CDH3: variants seen among roughly 807,000 people sequenced by gnomAD.
The protein encoded by CDH3 is cadherin 3, also known as cadherin-3.
A neutral mutation model predicts 82.0 loss-of-function variants in CDH3; 54 were observed. The observed-to-expected ratio is 0.66, with a 90% CI of 0.53 to 0.83. The LOEUF (loss-of-function observed/expected upper bound fraction) is 0.83, where lower values mean the gene tolerates loss of function less well. Ranked by LOEUF, CDH3 falls within the 40% of genes least tolerant of loss-of-function variation. The pLI is 0.00. For missense variants in CDH3, 1,054 were observed against 1,084.6 expected (o/e 0.97, Z 0.40); for synonymous variants, 446 against 437.9 (o/e 1.02, Z -0.23).
At chr16:68,710,721 G>A (rs1372872088) in intron 1 of CDH3, among the ~76,000 whole-genome samples, 1 of 151,534 alleles carries the variant, frequency 6.6e-6, no homozygotes, top group African/African-American at 2.4e-5. Context: ...GCGGGCGCCT[G>A]TAATTCCAGC....
chr16:68,710,500 T>C (rs1039650185), intron 1 of CDH3, among the ~76,000 whole-genome samples: 4 of 152,174 alleles, frequency 2.6e-5, no homozygotes, highest in Non-Finnish European at 5.9e-5. Flanking sequence ...CTAAACCCCC[T>C]ACAATGCACA....
At position 68,698,742 on chromosome 16, in the gene CDH3, AAT is replaced by A. The variant is rs1488303987; in HGVS notation, c.*343_*344del. ...GACCTACAGTGGACTTTCTCTCTGG[AAT>A]GGAACCTTCTTAGGCCTCCTGGTGC... On this transcript the variant is annotated 3_prime_UTR_variant, in exon 16 of 16. Transcript: ENST00000264012. 3.4e-6 allele frequency: 1 copy of A among 290,398 alleles called. No individual in the cohort carries two copies. Among genetic ancestry groups the A allele is most frequent in the African/African-American group, 2.2e-5 (1 of 45,974 alleles). The allele number at this position is 290,398 out of a possible 1,614,324, so 18.0% of individuals were successfully genotyped here.
chr16:68,663,323 C>T (rs374368576), intron 2 of CDH3, among the ~76,000 whole-genome samples: 158 of 151,438 alleles, frequency 1.0e-3, no homozygotes, highest in Non-Finnish European at 1.8e-3. Flanking sequence ...CTCTGCCTCC[C>T]GGGTTCACGC....
At chr16:68,723,779 C>T (rs148521207) in intron 2 of CDH3, among the ~76,000 whole-genome samples, 4,119 of 151,278 alleles carry the variant, frequency 0.027, 67 homozygotes, top group Non-Finnish European at 0.043. Context: ...AAAAATTAGC[C>T]GGGTGTGAGG....
Position 68,695,257 on chromosome 16 carries a change from C to T in CDH3, c.2005C>T (p.Leu669Phe). The part of the protein sequence containing the change: ...VLGAVLALLF[L>F]LLVLLLLVRK... ...CTCACACTCCCCAACCCTTGCAGTC[C>T]TCCTGCTGGTGCTGCTTTTGTTGGT... The change falls in exon 14 of 16, where the codon CTC becomes TTC. Residue 669 changes from leucine (L) to phenylalanine (F), a missense_variant and splice_region_variant. Transcript: ENST00000264012. 6.2e-7 allele frequency: 1 copy of T among 1,614,114 alleles called. No homozygotes were observed. Among genetic ancestry groups the T allele is most frequent in the Non-Finnish European group, 8.5e-7 (1 of 1,180,018 alleles).
Position 68,676,554 on chromosome 16 carries a change from T to G in CDH3, c.246+84T>G, listed in dbSNP as rs1412591442. On this transcript the variant is annotated intron_variant, in intron 3 of 15. Coordinates refer to ENST00000264012, the MANE Select transcript of CDH3 (RefSeq NM_001793.6). ...TTGCTGGCCAGGAGCCCTTGGTTGC[T>G]GTGGCCATTGTGAGCCAAGTCAGCC... 3.7e-6 allele frequency: 4 copies of G among 1,069,170 alleles called. No homozygotes were observed. In the African/African-American group the frequency reaches 6.2e-5, roughly 17 times the overall value. 66.2% of individuals were successfully genotyped at this position (1,069,170 alleles called of 1,614,324 possible).
chr16:68,727,138 T>C (rs1156799614), intron 2 of CDH3, among the ~76,000 whole-genome samples: 1 of 152,204 alleles, frequency 6.6e-6, no homozygotes, highest in African/African-American at 2.4e-5. Flanking sequence ...ACTTTCTCTC[T>C]CTCTCTTCTT....
chr16:68,676,345 C>G, intron 2 of CDH3, 40 bp from the exon 3 acceptor site: 1 of 1,458,372 alleles, frequency 6.9e-7, no homozygotes. Context: ...TTCCAGAATA[C>G]TCCTGCCTTC....
chr16:68,710,310 C>T (rs766011755), intron 1 of CDH3, among the ~76,000 whole-genome samples: 3 of 152,204 alleles, frequency 2.0e-5, no homozygotes, highest in Non-Finnish European at 4.4e-5. Context: ...GCCCTGGCTT[C>T]CCATTTGCTA....
intron 2 of CDH3, among the ~76,000 whole-genome samples, chr16:68,670,781 A>G (rs1174175185): frequency 1.3e-5 from 2 of 152,240 alleles, no homozygotes; most frequent in Non-Finnish European, 2.9e-5. Context: ...GCTTTAAATA[A>G]TACTGAATCA....
chr16:68,654,527 AC>A (rs1252920886), intron 2 of CDH3, among the ~76,000 whole-genome samples: 1 of 130,706 alleles, frequency 7.7e-6, no homozygotes, highest in African/African-American at 2.9e-5. Flanking sequence ...ACATGGTGAA[AC>A]CCTGTCTCTA....
chr16:68,660,242 TACTATACCATTTAA>T (rs1374797853), intron 2 of CDH3, among the ~76,000 whole-genome samples: 1 of 152,236 alleles, frequency 6.6e-6, no homozygotes, highest in Non-Finnish European at 1.5e-5. Flanking sequence ...AACTTAAGGT[TACTATACCATTTAA>T]AAATAGTTTT....
chr16:68,707,443 C>A lies in CDH3; in HGVS notation c.99+11520C>A, dbSNP rs1961978148. On this transcript the variant is annotated intron_variant, in intron 1 of 2. Transcript: ENST00000569080. The surrounding 1 kb of genome is among the most constrained non-coding windows in gnomAD (Gnocchi z 4.5). ...GTTCCTCCTCTGCTGTATCCTCAGT[C>A]CCTGAGGATGCGGCAGGGCCTGTCG... Among the ~76,000 whole-genome samples, 1 of 152,202 alleles carries A rather than the reference C, an allele frequency of 6.6e-6. No individual in the cohort carries two copies. The highest frequency in any genetic ancestry group is 2.1e-4 in the South Asian group (1 of 4,830).
At chr16:68,676,648 A>G (rs1464824094) in intron 3 of CDH3, among the ~76,000 whole-genome samples, 178 bp downstream of exon 3, 1 of 152,222 alleles carries the variant, frequency 6.6e-6, no homozygotes, top group Non-Finnish European at 1.5e-5. Context: ...TAAGGGGGGT[A>G]GTGCTTGCAG....
intron 2 of CDH3, among the ~76,000 whole-genome samples, chr16:68,669,045 G>A (rs1463895507): frequency 6.6e-6 from 1 of 152,134 alleles, no homozygotes; most frequent in Non-Finnish European, 1.5e-5. Context: ...ACATTATAGG[G>A]ATTGGAATCC....
chr16:68,733,701 C>T, the CDH3 span, among the ~76,000 whole-genome samples: 1 of 152,168 alleles, frequency 6.6e-6, no homozygotes, highest in Admixed American at 6.6e-5. Context: ...GAGATCGCGC[C>T]ATTGCACTCC....
chr16:68,650,765 G>A (rs1960218869), intron 2 of CDH3, among the ~76,000 whole-genome samples: 3 of 152,118 alleles, frequency 2.0e-5, no homozygotes, highest in East Asian at 1.9e-4. Flanking sequence ...TAGCCTGGAC[G>A]TGCCAGCAGG....
chr16:68,660,770 A>G lies in CDH3; in HGVS notation c.160+15020A>G, dbSNP rs147256464. ...TCAGGAGATCGAGACTATCCTGGCTAACACAGTGAAACCCCGTCTCTACTA... is the reference window on the plus strand; with the variant it reads ...TCAGGAGATCGAGACTATCCTGGCTGACACAGTGAAACCCCGTCTCTACTA... On this transcript the variant is annotated intron_variant, in intron 2 of 15. Coordinates refer to ENST00000264012, the MANE Select transcript of CDH3 (RefSeq NM_001793.6). Among the ~76,000 whole-genome samples, 35 of 152,290 alleles carry G rather than the reference A, an allele frequency of 2.3e-4. No homozygotes were observed. In the East Asian group the frequency reaches 6.8e-3, roughly 29 times the overall value.
At chr16:68,651,542 G>T (rs1292297367) in intron 2 of CDH3, 2 of 497,736 alleles carry the variant, frequency 4.0e-6, no homozygotes, top group Admixed American at 2.3e-5. Context: ...TGTCCACCCC[G>T]CTCTGCAGCC....
Sources: gnomAD v4.1 joint callset for allele counts (sites outside exome capture counted in the v4.1 genomes callset) on GRCh38, gnomAD v4.1.1 for gene constraint, Gnocchi (gnomAD v3.1) non-coding constraint, MANE v1.5 for transcripts, NCBI Gene and HGNC (gene_info 2026-07-23, HGNC 2026-07-21) for gene names.